Variants in PLEKHA2 observed in about 807,000 individuals in gnomAD.
PLEKHA2 encodes pleckstrin homology domain containing A2.
In PLEKHA2, 28 loss-of-function variants were observed where a neutral mutation model predicts 53.2. The ratio of observed to expected loss-of-function variants is 0.53; its 90% CI spans 0.39 to 0.72. PLEKHA2 has a LOEUF of 0.72. Among genes scored for constraint, PLEKHA2 ranks in the 30% least tolerant of loss-of-function variants. PLEKHA2 has a pLI of 0.00. For synonymous variants in PLEKHA2, 193 were observed against 196.4 expected, an observed-to-expected ratio of 0.98 and a Z score of 0.14; for missense variants, 426 against 537.9, an observed-to-expected ratio of 0.79 and a Z score of 2.06.
At chr8:38,933,963 C>T (rs574020607) in intron 2 of PLEKHA2, among the ~76,000 whole-genome samples, 2 of 151,804 alleles carry the variant, frequency 1.3e-5, no homozygotes, top group East Asian at 3.9e-4. Context: ...TTCTAGGTCC[C>T]CCACTCTAAG....
intron 2 of PLEKHA2, among the ~76,000 whole-genome samples, chr8:38,932,530 G>A (rs948428499): frequency 1.3e-5 from 2 of 152,140 alleles, no homozygotes; most frequent in African/African-American, 2.4e-5. Flanking sequence ...ATCCCTTGCC[G>A]CTACCTAGGT....
chr8:38,953,588 A>G (rs182761393), intron 9 of PLEKHA2, among the ~76,000 whole-genome samples: 35 of 152,230 alleles, frequency 2.3e-4, no homozygotes, highest in Non-Finnish European at 4.3e-4. Flanking sequence ...CTGGCTCCTA[A>G]GCAGATAGGC....
chr8:38,949,696 C>T (rs76413385), intron 5 of PLEKHA2, among the ~76,000 whole-genome samples: 14,321 of 152,224 alleles, frequency 0.094, 738 homozygotes, highest in East Asian at 0.14. Context: ...TTAGTAACAA[C>T]GTGGGAAGCC....
At position 38,922,803 on chromosome 8, in the gene PLEKHA2, A is replaced by G. The variant is rs1588242885; in HGVS notation, c.141+4733A>G. On this transcript the variant is annotated intron_variant, in intron 2 of 11. Transcript: ENST00000617275. This position sits in a 1 kb window ranked among gnomAD's most constrained non-coding sequence, Gnocchi z 4.0. ...GAAATGCTTTTACATGTGTTACCCC[A>G]TGGAACCTCTCCATAATCCTGGGGC... 6.6e-6 allele frequency among the ~76,000 whole-genome samples: 1 copy of G among 152,154 alleles called. No homozygotes were observed. Among genetic ancestry groups the G allele is most frequent in the South Asian group, 2.1e-4 (1 of 4,830 alleles).
At chr8:38,916,197 G>A (rs1834057031) in intron 1 of PLEKHA2, among the ~76,000 whole-genome samples, 1 of 152,122 alleles carries the variant, frequency 6.6e-6, no homozygotes, top group Non-Finnish European at 1.5e-5. Flanking sequence ...GGCTGGTCTC[G>A]AATTCCTGAC....
intron 2 of PLEKHA2, among the ~76,000 whole-genome samples, chr8:38,920,847 C>A (rs187962052): frequency 1.5e-3 from 222 of 151,866 alleles, no homozygotes; most frequent in African/African-American, 5.1e-3. Flanking sequence ...GTTGCCCACG[C>A]TGGAGTGCAA....
intron 3 of PLEKHA2, among the ~76,000 whole-genome samples, chr8:38,940,362 G>A (rs1184634062): frequency 6.6e-6 from 1 of 152,024 alleles, no homozygotes; most frequent in Non-Finnish European, 1.5e-5. Flanking sequence ...TCGTGCCATT[G>A]CACTCCAGCC....
At position 38,971,972 on chromosome 8, in the gene PLEKHA2, C is replaced by T. The variant is rs1393216833; in HGVS notation, c.*2189C>T. On this transcript the variant is annotated 3_prime_UTR_variant, in exon 12 of 12. Coordinates refer to ENST00000617275, the MANE Select transcript of PLEKHA2 (RefSeq NM_021623.2). ...AAAAAAAAAATTATCTGATAGGTTA[C>T]TATTGCTAAATTAATTGGCCATTAT... 1.2e-4 allele frequency: 18 copies of T among 152,104 alleles called. No homozygotes were observed. The allele number at this position is 152,104 out of a possible 1,614,324, so 9.4% of individuals were successfully genotyped here. A position where few individuals can be genotyped will look rare whatever the true frequency, so the allele number is the denominator to read the frequency against.
Position 38,952,156 on chromosome 8 carries a change from T to A in PLEKHA2, c.487-10T>A. ...AGGGAGGCGCTGATACTGACACTGT[T>A]TCCTTGCAGAACGGTGGGGATGGGC... On this transcript the variant is annotated splice_polypyrimidine_tract_variant and intron_variant, in intron 6 of 11. Coordinates refer to ENST00000617275, the MANE Select transcript of PLEKHA2 (RefSeq NM_021623.2). 1 of 1,611,190 alleles carries A rather than the reference T, an allele frequency of 6.2e-7. No individual in the cohort carries two copies. The highest frequency in any genetic ancestry group is 8.5e-7 in the Non-Finnish European group (1 of 1,178,740).
intron 2 of PLEKHA2, among the ~76,000 whole-genome samples, chr8:38,921,647 T>C (rs1056361053): frequency 6.6e-6 from 1 of 152,274 alleles, no homozygotes; most frequent in African/African-American, 2.4e-5. Flanking sequence ...GGGCAGGCTC[T>C]TACTCTTTCC....
chr8:38,966,611 C>T (rs141578070), intron 10 of PLEKHA2, among the ~76,000 whole-genome samples: 6 of 152,286 alleles, frequency 3.9e-5, no homozygotes, highest in East Asian at 3.9e-4. Context: ...GTAGCGAGGC[C>T]GCTGGAGTTT....
At chr8:38,949,841 T>A (rs964296229) in intron 5 of PLEKHA2, among the ~76,000 whole-genome samples, 2 of 152,214 alleles carry the variant, frequency 1.3e-5, no homozygotes, top group African/African-American at 4.8e-5. Context: ...CATGAGACGG[T>A]TTAGGCCTAG....
intron 3 of PLEKHA2, among the ~76,000 whole-genome samples, chr8:38,940,069 G>T (rs1484664122): frequency 1.4e-5 from 2 of 138,198 alleles, no homozygotes; most frequent in Non-Finnish European, 3.1e-5. Flanking sequence ...ACTCCAGCCT[G>T]AGACAGAGTG....
At chr8:38,915,096 C>T (rs1834013050) in intron 1 of PLEKHA2, among the ~76,000 whole-genome samples, 2 of 152,050 alleles carry the variant, frequency 1.3e-5, no homozygotes, top group Non-Finnish European at 2.9e-5. Context: ...ACAGGCACGC[C>T]ACCGTGCCTG....
intron 1 of PLEKHA2, among the ~76,000 whole-genome samples, chr8:38,904,469 T>C (rs1437638066): frequency 6.6e-6 from 1 of 152,220 alleles, no homozygotes; most frequent in African/African-American, 2.4e-5. Context: ...AGGCTGGGAC[T>C]CAAATTTGGC....
chr8:38,962,770 C>T (rs1356294487), intron 10 of PLEKHA2, among the ~76,000 whole-genome samples: 1 of 152,232 alleles, frequency 6.6e-6, no homozygotes, highest in Admixed American at 6.5e-5. Flanking sequence ...GTTGTTAGAA[C>T]TAGGGTGCTA....
chr8:38,933,273 C>A (rs1834427080), intron 2 of PLEKHA2, among the ~76,000 whole-genome samples: 1 of 152,008 alleles, frequency 6.6e-6, no homozygotes, highest in Non-Finnish European at 1.5e-5. Context: ...AGGGGTTGGG[C>A]CCTCTCGTGT....
chr8:38,906,327 G>T (rs1235591748), intron 1 of PLEKHA2, among the ~76,000 whole-genome samples: 1 of 152,196 alleles, frequency 6.6e-6, no homozygotes, highest in East Asian at 1.9e-4. Context: ...TGTGAAGAGA[G>T]GTCATGAGTG....
At chr8:38,906,406 C>T (rs1833874055) in intron 1 of PLEKHA2, among the ~76,000 whole-genome samples, 1 of 152,208 alleles carries the variant, frequency 6.6e-6, no homozygotes, top group African/African-American at 2.4e-5. Flanking sequence ...TCCTGCCTTA[C>T]ACCCCTCCCC....
Sources: gnomAD v4.1 joint callset for allele counts (sites outside exome capture counted in the v4.1 genomes callset) on GRCh38, gnomAD v4.1.1 for gene constraint, Gnocchi (gnomAD v3.1) non-coding constraint, MANE v1.5 for transcripts, NCBI Gene and HGNC (gene_info 2026-07-23, HGNC 2026-07-21) for gene names.